The following CLUH variants were observed in gnomAD, a reference collection of about 807,000 sequenced individuals.
CLUH encodes CLUH binding protein of NUMT mRNA, also known as clustered mitochondria protein homolog.
A neutral mutation model predicts 139.3 loss-of-function variants in CLUH; 77 were observed. The ratio of observed to expected loss-of-function variants is 0.55; its 90% CI spans 0.46 to 0.67. CLUH has a LOEUF of 0.67. CLUH is among the 30% of genes least tolerant of loss of function. The pLI is 0.00. For missense variants in CLUH, 1,876 were observed against 1,875.8 expected (o/e 1.00, Z 0.00); for synonymous variants, 999 against 801.6 (o/e 1.25, Z -4.16).
intron 3 of CLUH, 38 bp from the exon 4 acceptor site, chr17:2,702,095 C>T: frequency 4.4e-6 from 7 of 1,601,892 alleles, no homozygotes; most frequent in Non-Finnish European, 6.0e-6. Flanking sequence ...GTTACCAGGG[C>T]CCTGCACCCT....
rs1055617305 is a variant in CLUH, at chr17:2,704,741, C to A, written c.101-177G>T. Among the ~76,000 whole-genome samples, 3 of 152,102 alleles carry A rather than the reference C, an allele frequency of 2.0e-5. No homozygotes were observed. The highest frequency in any genetic ancestry group is 4.8e-5 in the African/African-American group (2 of 41,418). ...CCTGCAGGCCACTTCCACACCCAGC[C>A]GCCCCTCCCAGCCACTGTTCCCTGG... On this transcript the variant is annotated intron_variant, in intron 1 of 25. Transcript: ENST00000651024. This position sits in a 1 kb window ranked among gnomAD's most constrained non-coding sequence, Gnocchi z 5.7.
chr17:2,700,707 G>A lies in CLUH; in HGVS notation c.1144C>T (p.Leu382=), dbSNP rs1295413574. Residue 382 remains leucine (L), a synonymous_variant, in exon 8 of 26, where the codon CTG becomes TTG. Coordinates refer to ENST00000651024, the MANE Select transcript of CLUH (RefSeq NM_001366661.1). ...CCAGGAATGTGCTCCTCATAGCCCAGCCTCGAGGTGTAGGCGTCCTCTGCA... is the reference window on the plus strand; with the variant it reads ...CCAGGAATGTGCTCCTCATAGCCCAACCTCGAGGTGTAGGCGTCCTCTGCA... ...VRAEDAYTSR[L]GYEEHIPGQT... 6 of 1,532,752 alleles carry A rather than the reference G, an allele frequency of 3.9e-6. No homozygotes were observed. The highest frequency in any genetic ancestry group is 2.1e-5 in the Admixed American group (1 of 46,562). 94.9% of individuals were successfully genotyped at this position (1,532,752 alleles called of 1,614,324 possible).
chr17:2,707,662 C>T lies in CLUH; in HGVS notation c.101-3098G>A, dbSNP rs1321625162. 6.1e-6 allele frequency: 6 copies of T among 985,296 alleles called. No individual in the cohort carries two copies. The highest frequency in any genetic ancestry group is 7.2e-6 in the Non-Finnish European group (6 of 829,910). The allele number at this position is 985,296 out of a possible 1,614,324, so 61.0% of individuals were successfully genotyped here. A position where few individuals can be genotyped will look rare whatever the true frequency, so the allele number is the denominator to read the frequency against. On this transcript the variant is annotated intron_variant, in intron 1 of 25. Coordinates refer to ENST00000651024, the MANE Select transcript of CLUH (RefSeq NM_001366661.1). This position sits in a 1 kb window ranked among gnomAD's most constrained non-coding sequence, Gnocchi z 7.4. ...CCCAGCAAGGGGGTCCTCTCCTCCG[C>T]TCCCATCCCAGTGGGGGTGAACAGG...
intron 13 of CLUH, 197 bp from the exon 14 acceptor site, chr17:2,695,723 GCCCCCT>G: frequency 1.4e-6 from 1 of 701,978 alleles, no homozygotes; most frequent in Non-Finnish European, 2.3e-6. Flanking sequence ...GGTGGTACAG[GCCCCCT>G]CTAACCATGT....
intron 19 of CLUH, 42 bp from the exon 20 acceptor site, chr17:2,692,902 C>T (rs2069765193): frequency 1.3e-6 from 2 of 1,529,238 alleles, no homozygotes; most frequent in Non-Finnish European, 1.8e-6. Context: ...TGGGAACCCC[C>T]ACTGCACCCA....
chr17:2,692,656 G>A lies in CLUH; in HGVS notation c.3353C>T (p.Ser1118Phe), dbSNP rs775094871. 4 of 1,612,590 alleles carry A rather than the reference G, an allele frequency of 2.5e-6. No individual in the cohort carries two copies. The highest frequency in any genetic ancestry group is 1.7e-5 in the Admixed American group (1 of 59,944). ...ALYCFASSQL[S>F]TALSLLYRAR... ...GCGGTACAGCAGGCTCAGGGCGGTGGACAGCTGGCTGCTGGCGAAGCAGTA... is the reference window on the plus strand; with the variant it reads ...GCGGTACAGCAGGCTCAGGGCGGTGAACAGCTGGCTGCTGGCGAAGCAGTA... Residue 1118 changes from serine to phenylalanine, a missense_variant, in exon 21 of 26, where the codon TCC (serine) becomes TTC (phenylalanine). Ser to Phe is a radical substitution (Grantham distance 155). This residue lies in a region of CLUH where 1,454 missense variants were observed against 1,384.4 expected (regional missense o/e 1.05). Transcript: ENST00000651024.
rs1279112482 is a variant in CLUH at position 2,701,510 on chromosome 17, C to A, written c.755G>T (p.Cys252Phe). Residue 252 changes from cysteine (C) to phenylalanine (F), a missense_variant, in exon 6 of 26, where the codon TGC becomes TTC. By Grantham distance (205) the Cys-to-Phe change is radical. Around this residue, in one of 3 missense-constraint regions of CLUH, gnomAD observed 270 missense variants for 354.7 expected, o/e 0.76. Transcript: ENST00000651024. ...TCCGCTCATGGTGAGTACTTTCAGG[C>A]ACTGCAAGGGCTTCGGGAGCGGCCG... ...PQNRDWKPLQCLKVLTMSGWN... is the reference protein window; with the variant it reads ...PQNRDWKPLQFLKVLTMSGWN... 2 of 1,613,856 alleles carry A rather than the reference C, an allele frequency of 1.2e-6. No individual in the cohort carries two copies. The highest frequency in any genetic ancestry group is 1.7e-6 in the Non-Finnish European group (2 of 1,179,866).
intron 13 of CLUH, chr17:2,695,848 A>G: frequency 1.7e-6 from 1 of 576,712 alleles, no homozygotes; most frequent in Non-Finnish European, 3.1e-6. Flanking sequence ...GGAACCAGAC[A>G]CAGAGCCTGC....
At chr17:2,701,050 T>C (rs2070158874) in intron 7 of CLUH, 90 bp downstream of exon 7, 1 of 1,599,174 alleles carries the variant, frequency 6.3e-7, no homozygotes, top group Admixed American at 1.7e-5. Flanking sequence ...GGGCGGTTTC[T>C]TCAGACAGAA....
chr17:2,692,808 G>GTGCCCATCACCCGCTCGC lies in CLUH; in HGVS notation c.3266_3283dup (p.Ser1089_Gly1094dup), dbSNP rs1567578286. On this transcript the variant is annotated inframe_insertion, in exon 20 of 26. Transcript: ENST00000651024. ...TTCCTGGATGGTGTTGGGGTGCTCG[G>GTGCCCATCACCCGCTCGC]TGCCCATCACCCGCTCGCTCATCAG... is the stretch of plus-strand genomic sequence containing the variant. 6.2e-7 allele frequency: 1 copy of GTGCCCATCACCCGCTCGC among 1,604,382 alleles called. No homozygotes were observed. The highest frequency in any genetic ancestry group is 2.2e-5 in the East Asian group (1 of 44,652).
Position 2,694,144 on chromosome 17 carries a change from C to T in CLUH, c.3070G>A (p.Gly1024Arg), listed in dbSNP as rs2069831454. ...ACACCCTGCTGCACTTTGGCCTGCCCGCTCTGGAAGAAATGGAAGGCATCC... is the reference window on the plus strand; with the variant it reads ...ACACCCTGCTGCACTTTGGCCTGCCTGCTCTGGAAGAAATGGAAGGCATCC... ...ASDAFHFFQS[G>R]QAKVQQGFLK... Residue 1024 changes from glycine (G) to arginine (R), a missense_variant, in exon 18 of 26, where the codon GGG becomes AGG. By Grantham distance (125) the Gly-to-Arg change is moderately radical (BLOSUM62 -2). This residue lies in a region of CLUH where 1,454 missense variants were observed against 1,384.4 expected (regional missense o/e 1.05). Coordinates refer to ENST00000651024, the MANE Select transcript of CLUH (RefSeq NM_001366661.1). 1.9e-6 allele frequency: 3 copies of T among 1,613,560 alleles called. No individual in the cohort carries two copies. Among genetic ancestry groups the T allele is most frequent in the Non-Finnish European group, 2.5e-6 (3 of 1,179,738 alleles).
chr17:2,711,753 G>A lies in CLUH; in HGVS notation c.-92C>T, dbSNP rs2070530072. On this transcript the variant is annotated 5_prime_UTR_variant, in exon 1 of 26. Coordinates refer to ENST00000651024, the MANE Select transcript of CLUH (RefSeq NM_001366661.1). ...TGCGCGCCGCGGCTGCTGAGGGAAG[G>A]ACGGAGTCACCGGCCCACGTGGTGC... 1 of 474,566 alleles carries A rather than the reference G, an allele frequency of 2.1e-6. No homozygotes were observed. Among genetic ancestry groups the A allele is most frequent in the African/African-American group, 2.1e-5 (1 of 47,336 alleles). 29.4% of individuals were successfully genotyped at this position (474,566 alleles called of 1,614,324 possible). A position where few individuals can be genotyped will look rare whatever the true frequency, so the allele number is the denominator to read the frequency against.
Position 2,692,405 on chromosome 17 carries a change from G to A in CLUH, c.3516C>T (p.Val1172=), listed in dbSNP as rs372503652. The part of the protein sequence containing the change: ...SLRFLENALA[V]STKYHGPKAL... The stretch of plus-strand genomic sequence containing the variant: ...CCTTGGGCCCGTGGTACTTGGTGCT[G>A]ACGGCCAGCGCGTTCTCCAGGAAGC... The change falls in exon 22 of 26, where the codon GTC becomes GTT. Residue 1172 remains valine, a synonymous_variant. Coordinates refer to ENST00000651024, the MANE Select transcript of CLUH (RefSeq NM_001366661.1). The A allele has an allele frequency of 8.0e-4, 1,275 of 1,597,510 alleles. 1 individual carries two copies. The highest frequency in any genetic ancestry group is 9.9e-4 in the Non-Finnish European group (1,166 of 1,178,666).
chr17:2,704,654 G>GTGTCCCCTCGA lies in CLUH; in HGVS notation c.101-91_101-90insTCGAGGGGACA. 1.6e-6 allele frequency: 2 copies of GTGTCCCCTCGA among 1,262,314 alleles called. No individual in the cohort carries two copies. Among genetic ancestry groups the GTGTCCCCTCGA allele is most frequent in the South Asian group, 2.9e-5 (2 of 68,220 alleles). 78.2% of individuals were successfully genotyped at this position (1,262,314 alleles called of 1,614,324 possible). A position where few individuals can be genotyped will look rare whatever the true frequency, so the allele number is the denominator to read the frequency against. The stretch of plus-strand genomic sequence containing the variant: ...CCCCACACGGGGACACGTGCCTTCT[G>GTGTCCCCTCGA]GAAAGGCATCTGCATGCCCTCGAGA... On this transcript the variant is annotated intron_variant, in intron 1 of 25. Coordinates refer to ENST00000651024, the MANE Select transcript of CLUH (RefSeq NM_001366661.1). This position sits in a 1 kb window ranked among gnomAD's most constrained non-coding sequence, Gnocchi z 5.7.
chr17:2,703,900 C>T lies in CLUH; in HGVS notation c.304-411G>A, dbSNP rs527320809. On this transcript the variant is annotated intron_variant, in intron 2 of 25. Transcript: ENST00000651024. This position sits in a 1 kb window ranked among gnomAD's most constrained non-coding sequence, Gnocchi z 4.2. ...AGAAGGGGTGCTCTGGGGCCCAAGC[C>T]TGCGGGTGCCGAGACATACGACGAC... Among the ~76,000 whole-genome samples the T allele has an allele frequency of 2.0e-5, 3 of 152,320 alleles. No individual in the cohort carries two copies. Among genetic ancestry groups the T allele is most frequent in the South Asian group, 4.1e-4 (2 of 4,830 alleles).
In CLUH at chr17:2,690,220, C is replaced by T. The variant is rs549303821; in HGVS notation, c.*374G>A. On this transcript the variant is annotated 3_prime_UTR_variant, in exon 26 of 26. Transcript: ENST00000651024. ...TGCGCGTCACCCACTCAGGAGTCAC[C>T]CACTCAGGACTGGCTCGGGCTATGT... 1 of 222,982 alleles carries T rather than the reference C, an allele frequency of 4.5e-6. No homozygotes were observed. Among genetic ancestry groups the T allele is most frequent in the African/African-American group, 2.3e-5 (1 of 44,224 alleles). 13.8% of individuals were successfully genotyped at this position (222,982 alleles called of 1,614,324 possible). A position where few individuals can be genotyped will look rare whatever the true frequency, so the allele number is the denominator to read the frequency against.
At position 2,698,135 on chromosome 17, in the gene CLUH, G is replaced by A; in HGVS notation, c.1722C>T (p.Leu574=). 1.3e-6 allele frequency: 2 copies of A among 1,588,062 alleles called. No individual in the cohort carries two copies. Among genetic ancestry groups the A allele is most frequent in the Non-Finnish European group, 1.7e-6 (2 of 1,168,494 alleles). ...GCTCCACCTCCTCGTCACGGTCGTT[G>A]AGCACCTGGTGCCGCAGGATCTTGA... is the stretch of plus-strand genomic sequence containing the variant. ...RPLKILRHQV[L]NDRDEEVELC... The change falls in exon 10 of 26, where the codon CTC becomes CTT. Residue 574 remains leucine (L), a synonymous_variant. Transcript: ENST00000651024.
rs1206411722 is a variant in CLUH at position 2,707,519 on chromosome 17, C to T, written c.101-2955G>A. ...CAGCACTCAGGCCCACCTCCCTATG[C>T]CCCCTAGAGAGGGGGTCACTGCCGG... On this transcript the variant is annotated intron_variant, in intron 1 of 25. Coordinates refer to ENST00000651024, the MANE Select transcript of CLUH (RefSeq NM_001366661.1). This position sits in a 1 kb window ranked among gnomAD's most constrained non-coding sequence, Gnocchi z 7.4. 1.0e-6 allele frequency: 1 copy of T among 985,412 alleles called. No homozygotes were observed. The highest frequency in any genetic ancestry group is 1.2e-6 in the Non-Finnish European group (1 of 829,906). 61.0% of individuals were successfully genotyped at this position (985,412 alleles called of 1,614,324 possible).
rs1319471179 is a variant in CLUH at position 2,698,108 on chromosome 17, G to A, written c.1749C>T (p.Leu583=). The change falls in exon 10 of 26, where the codon CTC becomes CTT. Residue 583 remains leucine (L), a synonymous_variant. Transcript: ENST00000651024. ...TGCCCTTGCACTCGACCGAGGAGCA[G>A]AGCTCCACCTCCTCGTCACGGTCGT... ...VLNDRDEEVE[L]CSSVECKGII... The A allele has an allele frequency of 1.2e-6, 2 of 1,601,850 alleles. No individual in the cohort carries two copies. The highest frequency in any genetic ancestry group is 1.7e-4 in the Middle Eastern group (1 of 6,054).
Sources: gnomAD v4.1 joint callset for allele counts (sites outside exome capture counted in the v4.1 genomes callset) on GRCh38, gnomAD v4.1.1 for gene constraint, gnomAD v4.1.1 regional missense constraint, Gnocchi (gnomAD v3.1) non-coding constraint, MANE v1.5 for transcripts, NCBI Gene and HGNC (gene_info 2026-07-23, HGNC 2026-07-21) for gene names.